The following NSMCE1 variants were observed in gnomAD, a reference collection of about 807,000 sequenced individuals.
NSMCE1 encodes NSE1 component of SMC5/6 complex.
In NSMCE1, 18 loss-of-function variants were observed where a neutral mutation model predicts 29.6. The ratio of observed to expected loss-of-function variants is 0.61; its 90% CI spans 0.42 to 0.90. NSMCE1 has a LOEUF of 0.90. Among genes scored for constraint, NSMCE1 ranks in the 40% least tolerant of loss-of-function variants. The pLI is 0.00. For missense variants in NSMCE1, 314 were observed against 343.6 expected (o/e 0.91, Z 0.68); for synonymous variants, 124 against 133.4 (o/e 0.93, Z 0.49).
At position 27,232,951 on chromosome 16, in the gene NSMCE1, G is replaced by C. The variant is rs756536411; in HGVS notation, c.483+50C>G. On this transcript the variant is annotated intron_variant, in intron 5 of 7. Transcript: ENST00000361439. The surrounding 1 kb of genome is among the most constrained non-coding windows in gnomAD (Gnocchi z 4.5). ...CAAGTACGATTTTGGAGAAAAAACT[G>C]TTATTCACTTGAAAAAGTGAACCAG... 1 of 1,593,432 alleles carries C rather than the reference G, an allele frequency of 6.3e-7. No homozygotes were observed. The highest frequency in any genetic ancestry group is 8.6e-7 in the Non-Finnish European group (1 of 1,168,150).
chr16:27,268,381 C>G (rs771798243), intron 1 of NSMCE1: 1 of 152,216 alleles, frequency 6.6e-6, no homozygotes, highest in Non-Finnish European at 1.5e-5. Flanking sequence ...TCACCTGTTA[C>G]AATGAAAAGT....
intron 5 of NSMCE1, among the ~76,000 whole-genome samples, chr16:27,230,359 C>T (rs2083750028): frequency 6.6e-6 from 1 of 152,170 alleles, no homozygotes; most frequent in Non-Finnish European, 1.5e-5. Flanking sequence ...AAGGATCAGA[C>T]ACTGACATGT....
intron 2 of NSMCE1, among the ~76,000 whole-genome samples, chr16:27,238,503 G>A (rs2083852369): frequency 6.6e-6 from 1 of 151,076 alleles, no homozygotes; most frequent in African/African-American, 2.4e-5. Context: ...TGCCAGCCCA[G>A]CAGCCATGTC....
intron 2 of NSMCE1, among the ~76,000 whole-genome samples, chr16:27,251,258 C>G (rs2084032940): frequency 7.1e-6 from 1 of 139,922 alleles, no homozygotes; most frequent in Non-Finnish European, 1.5e-5. Context: ...TCTATTTATC[C>G]TATTTATCCC....
chr16:27,260,294 C>G (rs994334492), intron 1 of NSMCE1, among the ~76,000 whole-genome samples: 1 of 151,954 alleles, frequency 6.6e-6, no homozygotes, highest in Non-Finnish European at 1.5e-5. Context: ...TTGTGATGGT[C>G]AGGAGTAGAA....
chr16:27,247,868 A>G (rs988901985), intron 2 of NSMCE1, among the ~76,000 whole-genome samples: 1 of 151,742 alleles, frequency 6.6e-6, no homozygotes, highest in African/African-American at 2.4e-5. Flanking sequence ...TGGAGGTTGC[A>G]GTGAGCGGAG....
In NSMCE1 at chr16:27,257,497, TG is replaced by T. The variant is rs763247512; in HGVS notation, c.73del (p.His25MetfsTer4). On this transcript the variant is annotated frameshift_variant, in exon 2 of 8. Transcript: ENST00000361439. LOFTEE classifies it high-confidence loss of function. The stretch of plus-strand genomic sequence containing the variant: ...CACGTCCCATTCCTCTAGCACGCCA[TG>T]GGTCATCAGCAACTGGAGGAAGCGC... ...HRRFLQLLMT[H>X]GVLEEWDVKR... 1 of 1,614,076 alleles carries T rather than the reference TG, an allele frequency of 6.2e-7. No individual in the cohort carries two copies. Among genetic ancestry groups the T allele is most frequent in the South Asian group, 1.1e-5 (1 of 91,070 alleles).
At chr16:27,247,497 A>G (rs2083969941) in intron 2 of NSMCE1, among the ~76,000 whole-genome samples, 1 of 151,946 alleles carries the variant, frequency 6.6e-6, no homozygotes, top group African/African-American at 2.4e-5. Context: ...GGACTAATAC[A>G]CTCACCAAGT....
chr16:27,246,864 T>C (rs1455191363), intron 2 of NSMCE1, among the ~76,000 whole-genome samples: 2 of 152,078 alleles, frequency 1.3e-5, no homozygotes, highest in Non-Finnish European at 2.9e-5. Flanking sequence ...AAAGAGTAAT[T>C]GTACACTGGA....
At chr16:27,248,374 AT>A (rs1375562615) in intron 2 of NSMCE1, among the ~76,000 whole-genome samples, 2 of 142,064 alleles carry the variant, frequency 1.4e-5, no homozygotes, top group African/African-American at 5.3e-5. Flanking sequence ...TTTAATACAC[AT>A]GCAGTGGTAG....
intron 5 of NSMCE1, among the ~76,000 whole-genome samples, chr16:27,227,388 C>T (rs1268157144): frequency 6.6e-6 from 1 of 152,264 alleles, no homozygotes; most frequent in African/African-American, 2.4e-5. Flanking sequence ...AGACAGGCCC[C>T]ATCACACTGT....
At position 27,233,090 on chromosome 16, in the gene NSMCE1, G is replaced by A; in HGVS notation, c.394C>T (p.Leu132=). Residue 132 remains leucine (L), a synonymous_variant, in exon 5 of 8, where the codon CTG becomes TTG. Transcript: ENST00000361439. ...TTCTTGCCTTTAAGTTGATCAACCA[G>A]GTTCAATATGTTTGTGGAAGACGCA... ...GFASSTNILN[L]VDQLKGKKMR... is the part of the protein sequence containing the mutation. The A allele has an allele frequency of 6.2e-7, 1 of 1,614,048 alleles. No individual in the cohort carries two copies. The highest frequency in any genetic ancestry group is 8.5e-7 in the Non-Finnish European group (1 of 1,179,948).
chr16:27,239,471 A>C (rs1429819433), intron 2 of NSMCE1, among the ~76,000 whole-genome samples: 5 of 152,246 alleles, frequency 3.3e-5, no homozygotes, highest in Non-Finnish European at 2.9e-5. Context: ...TAAAGTCCGT[A>C]TGGTGAGATT....
chr16:27,244,573 T>G (rs532656816), intron 2 of NSMCE1, among the ~76,000 whole-genome samples: 1 of 152,294 alleles, frequency 6.6e-6, no homozygotes, highest in East Asian at 1.9e-4. Flanking sequence ...TCACTCATGC[T>G]GCCTTCCCTT....
At chr16:27,239,622 G>A (rs1027728556) in intron 2 of NSMCE1, among the ~76,000 whole-genome samples, 4 of 152,220 alleles carry the variant, frequency 2.6e-5, no homozygotes, top group African/African-American at 9.6e-5. Flanking sequence ...CAGGTTTTCT[G>A]TAGGTAGCGC....
At chr16:27,253,189 C>T (rs1291798736) in intron 2 of NSMCE1, among the ~76,000 whole-genome samples, 1 of 152,142 alleles carries the variant, frequency 6.6e-6, no homozygotes, top group Non-Finnish European at 1.5e-5. Context: ...TTATCAAATC[C>T]AAAGAGGGAG....
In NSMCE1 at chr16:27,234,470, G is replaced by A. The variant is rs141758493; in HGVS notation, c.259-205C>T. ...GCTCAGCCAACATGCTGGGCCCTCA[G>A]AAGTTTCAGAACTCCAAAGGGTGTG... is the stretch of plus-strand genomic sequence containing the variant. On this transcript the variant is annotated intron_variant, in intron 3 of 7. Coordinates refer to ENST00000361439, the MANE Select transcript of NSMCE1 (RefSeq NM_145080.4). 7.0e-3 allele frequency among the ~76,000 whole-genome samples: 1,061 copies of A among 152,296 alleles called. 20 individuals are homozygous for A. The highest frequency in any genetic ancestry group is 0.024 in the African/African-American group (1,015 of 41,560).
At chr16:27,257,022 C>T (rs1404271045) in intron 2 of NSMCE1, among the ~76,000 whole-genome samples, 1 of 152,156 alleles carries the variant, frequency 6.6e-6, no homozygotes, top group East Asian at 1.9e-4. Context: ...GCCAAGCTGC[C>T]CTGTGTCCAT....
At chr16:27,246,453 AG>A (rs1289010016) in intron 2 of NSMCE1, among the ~76,000 whole-genome samples, 4 of 152,218 alleles carry the variant, frequency 2.6e-5, no homozygotes, top group African/African-American at 9.6e-5. Context: ...GAATGAATCC[AG>A]GGAAGTATTT....
Sources: gnomAD v4.1 joint callset for allele counts (sites outside exome capture counted in the v4.1 genomes callset) on GRCh38, gnomAD v4.1.1 for gene constraint, Gnocchi (gnomAD v3.1) non-coding constraint, MANE v1.5 for transcripts, NCBI Gene and HGNC (gene_info 2026-07-23, HGNC 2026-07-21) for gene names.